PODXL: variants seen among roughly 807,000 people sequenced by gnomAD.
PODXL encodes podocalyxin like, also known as podocalyxin.
PODXL carries 20 observed loss-of-function variants against 48.9 expected under a neutral mutation model. The observed-to-expected ratio is 0.41, with a 90% CI of 0.29 to 0.59. The LOEUF (loss-of-function observed/expected upper bound fraction) is 0.59. PODXL is among the 20% of genes least tolerant of loss of function. The pLI, the probability that PODXL is intolerant of heterozygous loss-of-function variation, is 0.31. For synonymous variants in PODXL, 295 were observed against 287.4 expected (o/e 1.03, Z -0.27); for missense variants, 606 against 675.1 (o/e 0.90, Z 1.13).
intron 1 of PODXL, among the ~76,000 whole-genome samples, chr7:131,512,922 G>T (rs900020835): frequency 6.6e-6 from 1 of 151,304 alleles, no homozygotes; most frequent in Non-Finnish European, 1.5e-5. Context: ...TTGAACCCGG[G>T]AGGCAGAGGT....
chr7:131,545,518 C>A (rs1424463599), intron 1 of PODXL, among the ~76,000 whole-genome samples: 3 of 152,286 alleles, frequency 2.0e-5, no homozygotes, highest in South Asian at 4.1e-4. Context: ...ATCAGTATTT[C>A]CCCCAAAATG....
chr7:131,552,988 G>A (rs966291623), intron 1 of PODXL, among the ~76,000 whole-genome samples: 1 of 152,062 alleles, frequency 6.6e-6, no homozygotes, highest in Admixed American at 6.6e-5. Context: ...GTCTTACTAG[G>A]TTGCCCAGGC....
At chr7:131,525,891 C>T (rs1798177493) in intron 1 of PODXL, among the ~76,000 whole-genome samples, 2 of 152,096 alleles carry the variant, frequency 1.3e-5, no homozygotes, top group South Asian at 2.1e-4. Context: ...AGGAGGCTAG[C>T]CCTGTGATGC....
At chr7:131,547,050 A>G (rs572185379) in intron 1 of PODXL, among the ~76,000 whole-genome samples, 8 of 152,184 alleles carry the variant, frequency 5.3e-5, no homozygotes, top group Non-Finnish European at 1.0e-4. Context: ...GTTGACTCAC[A>G]CTGGGCTAGG....
chr7:131,506,950 G>A (rs867367945), intron 5 of PODXL: 22 of 579,944 alleles, frequency 3.8e-5, no homozygotes, highest in Middle Eastern at 4.6e-4. Flanking sequence ...CCATCAGCCC[G>A]TTCTCCGCAC....
intron 1 of PODXL, among the ~76,000 whole-genome samples, chr7:131,538,498 G>A (rs570247400): frequency 4.1e-4 from 63 of 152,208 alleles, no homozygotes; most frequent in African/African-American, 1.1e-3. Context: ...GTCAGAGGGC[G>A]GAACCCCACC....
At position 131,509,578 on chromosome 7, in the gene PODXL, C is replaced by T. The variant is rs374314052; in HGVS notation, c.810G>A (p.Ser270=). The change falls in exon 4 of 9, where the codon TCG becomes TCA. Residue 270 remains serine, a synonymous_variant. Transcript: ENST00000378555. ...ASQSAGITAS[S]VISQRTQQTS... is the part of the protein sequence containing the mutation. The stretch of plus-strand genomic sequence containing the variant: ...TCTGTTGAGTTCTTTGCGAGATAAC[C>T]GATGACGCTGTCATTGGGAAAACGA... 49 of 1,539,892 alleles carry T rather than the reference C, an allele frequency of 3.2e-5. No homozygotes were observed. In the Middle Eastern group the frequency reaches 5.3e-4, roughly 17 times the overall value.
chr7:131,517,293 C>T lies in PODXL; in HGVS notation c.101-5860G>A, dbSNP rs562089252. On this transcript the variant is annotated intron_variant, in intron 1 of 8. Transcript: ENST00000378555. ...TGGGCAGCAAGACCAGCGTAGTGATCGCAATGGTCTAACCAAGGCTATTTC... is the reference window on the plus strand; with the variant it reads ...TGGGCAGCAAGACCAGCGTAGTGATTGCAATGGTCTAACCAAGGCTATTTC... 5.9e-5 allele frequency among the ~76,000 whole-genome samples: 9 copies of T among 152,278 alleles called. No homozygotes were observed. In the South Asian group the frequency reaches 1.2e-3, roughly 21 times the overall value.
rs574640122 is a variant in PODXL, at chr7:131,502,444, A to G, written c.*1867T>C. 6.6e-6 allele frequency: 1 copy of G among 152,344 alleles called. No homozygotes were observed. Among genetic ancestry groups the G allele is most frequent in the East Asian group, 1.9e-4 (1 of 5,176 alleles). The allele number at this position is 152,344 out of a possible 1,614,324, so 9.4% of individuals were successfully genotyped here. On this transcript the variant is annotated 3_prime_UTR_variant, in exon 9 of 9. Transcript: ENST00000378555. Reference sequence around the variant, plus strand: ...CCTTCCTTTTCCCCTAGGATATCAGATGGCTACAGACTGTGAGGAAGGAAT... The same window carrying G: ...CCTTCCTTTTCCCCTAGGATATCAGGTGGCTACAGACTGTGAGGAAGGAAT...
chr7:131,517,976 C>T (rs903334419), intron 1 of PODXL, among the ~76,000 whole-genome samples: 6 of 152,084 alleles, frequency 3.9e-5, no homozygotes, highest in African/African-American at 7.2e-5. Context: ...TGACCTCAGG[C>T]GATCCACCCT....
chr7:131,554,645 T>C (rs1012845232), intron 1 of PODXL, among the ~76,000 whole-genome samples: 2 of 152,118 alleles, frequency 1.3e-5, no homozygotes, highest in Non-Finnish European at 2.9e-5. Context: ...ACATTTCCTT[T>C]TAGGGCAGAC....
At chr7:131,520,584 T>A (rs188558465) in intron 1 of PODXL, 60 of 165,796 alleles carry the variant, frequency 3.6e-4, no homozygotes. Flanking sequence ...GAATAGGTAC[T>A]TTTTTCATAA....
At chr7:131,521,459 A>T (rs1224203754) in intron 1 of PODXL, among the ~76,000 whole-genome samples, 1 of 151,666 alleles carries the variant, frequency 6.6e-6, no homozygotes, top group Non-Finnish European at 1.5e-5. Context: ...CTCCGGCCTC[A>T]GCCTCCTGAG....
intron 5 of PODXL, among the ~76,000 whole-genome samples, chr7:131,508,101 T>TC (rs1797841922): frequency 1.3e-5 from 2 of 152,212 alleles, no homozygotes; most frequent in African/African-American, 4.8e-5. Flanking sequence ...AGTTATTTAC[T>TC]GAGTGTGCAC....
intron 1 of PODXL, among the ~76,000 whole-genome samples, chr7:131,524,050 G>A (rs1202292470): frequency 6.6e-6 from 1 of 152,006 alleles, no homozygotes; most frequent in African/African-American, 2.4e-5. Context: ...CCACCCGCCT[G>A]GACCTTCCAA....
intron 1 of PODXL, among the ~76,000 whole-genome samples, chr7:131,516,262 T>TTACATTAC (rs1209542586): frequency 4.6e-5 from 7 of 152,322 alleles, no homozygotes; most frequent in Non-Finnish European, 1.0e-4. Context: ...AAGTCTTGGC[T>TTACATTAC]GGGCACGGTG....
intron 1 of PODXL, among the ~76,000 whole-genome samples, chr7:131,533,293 A>T (rs1354698405): frequency 6.6e-6 from 1 of 152,140 alleles, no homozygotes; most frequent in African/African-American, 2.4e-5. Context: ...GCCTCTGGGT[A>T]GCAGGACGGC....
At chr7:131,534,187 G>A (rs1798329002) in intron 1 of PODXL, among the ~76,000 whole-genome samples, 1 of 152,180 alleles carries the variant, frequency 6.6e-6, no homozygotes, top group African/African-American at 2.4e-5. Context: ...GACCCATGTG[G>A]CTCTTCCTTC....
chr7:131,533,965 G>C (rs1389288853), intron 1 of PODXL, among the ~76,000 whole-genome samples: 1 of 152,196 alleles, frequency 6.6e-6, no homozygotes, highest in Non-Finnish European at 1.5e-5. Flanking sequence ...TGAGTACTTA[G>C]AGCAGTGTGT....
Sources: gnomAD v4.1 joint callset for allele counts (sites outside exome capture counted in the v4.1 genomes callset) on GRCh38, gnomAD v4.1.1 for gene constraint, MANE v1.5 for transcripts, NCBI Gene and HGNC (gene_info 2026-07-23, HGNC 2026-07-21) for gene names.